The following TF variants were observed in gnomAD, a reference collection of about 807,000 sequenced individuals.
TF encodes the protein serotransferrin.
TF carries 55 observed loss-of-function variants against 82.4 expected under a neutral mutation model. That is an observed-to-expected ratio of 0.67 (90% CI 0.54 to 0.84). The LOEUF (loss-of-function observed/expected upper bound fraction) is 0.84, where lower values mean the gene tolerates loss of function less well. Ranked by LOEUF, TF falls within the 40% of genes least tolerant of loss-of-function variation. TF has a pLI of 0.00. For synonymous variants in TF, 332 were observed against 332.6 expected (o/e 1.00, Z 0.02); for missense variants, 737 against 868.4 (o/e 0.85, Z 1.90).
chr3:133,764,015 T>A (rs1934061915), intron 9 of TF, among the ~76,000 whole-genome samples, 167 bp from the exon 10 acceptor site: 2 of 152,238 alleles, frequency 1.3e-5, no homozygotes, highest in South Asian at 4.1e-4. Flanking sequence ...ACATTTGATT[T>A]TCTCTGCTGA....
At chr3:133,737,396 A>G in the TF span, among the ~76,000 whole-genome samples, 2 of 152,212 alleles carry the variant, frequency 1.3e-5, no homozygotes, top group African/African-American at 2.4e-5. Context: ...TAACATCACA[A>G]TTAAAAGAAC....
intron 9 of TF, among the ~76,000 whole-genome samples, chr3:133,763,365 A>C (rs1299144928): frequency 6.6e-6 from 1 of 152,236 alleles, no homozygotes; most frequent in Non-Finnish European, 1.5e-5. Context: ...AATTAAGAGA[A>C]ATAAATATAG....
At chr3:133,676,278 G>A in the TF span, among the ~76,000 whole-genome samples, 2 of 152,276 alleles carry the variant, frequency 1.3e-5, no homozygotes, top group South Asian at 4.2e-4. Flanking sequence ...CACAATTGCT[G>A]TGAAAATGAG....
the TF span, among the ~76,000 whole-genome samples, chr3:133,733,032 T>C: frequency 8.6e-3 from 1,306 of 152,372 alleles, 13 homozygotes; most frequent in Middle Eastern, 0.027. Context: ...CTGTGTTTAC[T>C]GAATGCCACT....
the TF span, among the ~76,000 whole-genome samples, chr3:133,677,937 T>A: frequency 6.6e-6 from 1 of 152,200 alleles, no homozygotes; most frequent in Non-Finnish European, 1.5e-5. Flanking sequence ...GGTATACACA[T>A]GCCATGGTGG....
chr3:133,687,828 CTGTTGATGCACATTTGGGCT>C, the TF span, among the ~76,000 whole-genome samples: 3 of 152,178 alleles, frequency 2.0e-5, no homozygotes, highest in African/African-American at 7.2e-5. Context: ...ATGCATTCAT[CTGTTGATGCACATTTGGGCT>C]GTTTCCACTG....
the TF span, among the ~76,000 whole-genome samples, chr3:133,723,764 G>A: frequency 0.39 from 58,975 of 150,498 alleles, 12,224 homozygotes; most frequent in South Asian, 0.51. Context: ...CCATTAACTC[G>A]TCATTTAGCA....
chr3:133,776,548 T>C (rs1036791971), intron 15 of TF, among the ~76,000 whole-genome samples: 17 of 152,244 alleles, frequency 1.1e-4, no homozygotes, highest in African/African-American at 3.6e-4. Context: ...TTTGCAGTCA[T>C]CATTTCACTT....
At chr3:133,776,663 G>A (rs1182852758) in intron 15 of TF, among the ~76,000 whole-genome samples, 1 of 152,170 alleles carries the variant, frequency 6.6e-6, no homozygotes, top group Non-Finnish European at 1.5e-5. Flanking sequence ...TCCTCTGGGA[G>A]GGTTCACATT....
intron 1 of TF, chr3:133,747,116 T>G (rs1576353571): frequency 6.5e-6 from 1 of 154,308 alleles, no homozygotes; most frequent in South Asian, 2.0e-4. Flanking sequence ...CCTCCTGAGG[T>G]GGGGCCCCCT....
chr3:133,753,122 C>T (rs746389770), intron 2 of TF, among the ~76,000 whole-genome samples: 1 of 152,154 alleles, frequency 6.6e-6, no homozygotes, highest in Non-Finnish European at 1.5e-5. Flanking sequence ...ATAAAGAGGG[C>T]TCTGAGCAAA....
At chr3:133,681,837 G>C in the TF span, among the ~76,000 whole-genome samples, 1 of 152,212 alleles carries the variant, frequency 6.6e-6, no homozygotes, top group Non-Finnish European at 1.5e-5. Context: ...CTGTCTGACA[G>C]CTTTGAAGAG....
intron 15 of TF, 49 bp downstream of exon 15, chr3:133,775,666 G>A: frequency 6.3e-7 from 1 of 1,595,626 alleles, no homozygotes; most frequent in African/African-American, 1.3e-5. Context: ...ATGGCCATAG[G>A]CTATTCGGGG....
At chr3:133,682,255 C>A in the TF span, among the ~76,000 whole-genome samples, 1 of 152,146 alleles carries the variant, frequency 6.6e-6, no homozygotes, top group Non-Finnish European at 1.5e-5. Flanking sequence ...GGAGAGAAAC[C>A]AGAGCAGAAA....
chr3:133,662,749 A>T, the TF span, among the ~76,000 whole-genome samples: 1,520 of 152,212 alleles, frequency 1.0e-2, 20 homozygotes, highest in African/African-American at 0.035. Context: ...TTTTAAAAAA[A>T]TTTTTTCTTA....
chr3:133,755,238 C>T, intron 4 of TF, 125 bp from the exon 5 acceptor site: 1 of 1,246,500 alleles, frequency 8.0e-7, no homozygotes, highest in South Asian at 1.2e-5. Context: ...TAAGGGCAAG[C>T]TGGGGCTGCA....
intron 15 of TF, among the ~76,000 whole-genome samples, 194 bp from the exon 16 acceptor site, chr3:133,776,855 G>C (rs1387633994): frequency 1.3e-5 from 2 of 152,062 alleles, no homozygotes; most frequent in Non-Finnish European, 2.9e-5. Flanking sequence ...TGATTTTGGG[G>C]GCATCATGAA....
the TF span, chr3:133,700,987 C>T: frequency 6.6e-6 from 1 of 152,596 alleles, no homozygotes; most frequent in Non-Finnish European, 1.5e-5. Flanking sequence ...AATGGTCCCA[C>T]CTAAGATAGA....
chr3:133,755,130 G>T lies in TF; in HGVS notation c.503-233G>T, dbSNP rs573475314. Among the ~76,000 whole-genome samples, 8 of 152,362 alleles carry T rather than the reference G, an allele frequency of 5.3e-5. No homozygotes were observed. In the East Asian group the frequency reaches 1.5e-3, roughly 29 times the overall value. The stretch of plus-strand genomic sequence containing the variant: ...CTGAGAAAGACCCGAGATAGGCCTT[G>T]GTTAGTGGGAAGCATAGGCCTGTTT... On this transcript the variant is annotated intron_variant, in intron 4 of 16. Transcript: ENST00000402696.
Sources: allele counts gnomAD v4.1 joint callset (sites outside exome capture counted in the v4.1 genomes callset), GRCh38; gene constraint gnomAD v4.1.1; transcripts MANE v1.5; gene names NCBI Gene and HGNC (gene_info 2026-07-23, HGNC 2026-07-21).